WDR49: variants seen among roughly 807,000 people sequenced by gnomAD.
The protein encoded by WDR49 is cilia- and flagella-associated protein 337.
In WDR49, 107 loss-of-function variants were observed where a neutral mutation model predicts 119.5. The observed-to-expected ratio is 0.90, with a 90% CI of 0.77 to 1.05. The LOEUF is 1.05. Among genes scored for constraint, WDR49 ranks in the 50% least tolerant of loss-of-function variants. The pLI is 0.00. For missense variants in WDR49, 1,240 were observed against 1,220.5 expected (o/e 1.02, Z -0.24); for synonymous variants, 425 against 418.8 (o/e 1.01, Z -0.18).
intron 2 of WDR49, among the ~76,000 whole-genome samples, chr3:167,647,240 G>A (rs1718169502): frequency 6.6e-6 from 1 of 151,998 alleles, no homozygotes; most frequent in Non-Finnish European, 1.5e-5. Context: ...GCTTTTCTTG[G>A]TTGTCTTCAC....
intron 16 of WDR49, among the ~76,000 whole-genome samples, chr3:167,508,695 G>A (rs980298586): frequency 1.3e-5 from 2 of 152,120 alleles, no homozygotes; most frequent in African/African-American, 4.8e-5. Flanking sequence ...TGCTGTTCTA[G>A]TATTTTTAAA....
At chr3:167,649,709 T>C (rs1718282838) in intron 2 of WDR49, among the ~76,000 whole-genome samples, 1 of 152,192 alleles carries the variant, frequency 6.6e-6, no homozygotes, top group Non-Finnish European at 1.5e-5. Flanking sequence ...TTGCTAGGAT[T>C]TTTACTGTGC....
chr3:167,610,029 G>A (rs992849102), intron 5 of WDR49, among the ~76,000 whole-genome samples: 39 of 152,202 alleles, frequency 2.6e-4, no homozygotes, highest in African/African-American at 8.9e-4. Context: ...GTGCCCTGAT[G>A]CAATATCCAG....
intron 16 of WDR49, among the ~76,000 whole-genome samples, chr3:167,508,296 G>A (rs1175777488): frequency 6.6e-6 from 1 of 152,168 alleles, no homozygotes; most frequent in Admixed American, 6.5e-5. Context: ...AGGCAACACA[G>A]AACACTGATA....
intron 2 of WDR49, among the ~76,000 whole-genome samples, chr3:167,646,446 T>G (rs1217574491): frequency 6.6e-6 from 1 of 152,112 alleles, no homozygotes; most frequent in Non-Finnish European, 1.5e-5. Context: ...TTGCCACAAA[T>G]ATATGTCCAG....
chr3:167,558,153 G>T (rs1182165939), intron 9 of WDR49, among the ~76,000 whole-genome samples: 1 of 152,124 alleles, frequency 6.6e-6, no homozygotes, highest in Non-Finnish European at 1.5e-5. Context: ...GGCTAGAAAG[G>T]TGCACAAGAA....
intron 15 of WDR49, 74 bp downstream of exon 15, chr3:167,527,746 T>C (rs750792034): frequency 2.4e-4 from 335 of 1,422,154 alleles, no homozygotes; most frequent in Non-Finnish European, 3.2e-4. Flanking sequence ...CTGATGAGAT[T>C]CAAATAGAAA....
At chr3:167,645,666 A>G (rs74849251) in intron 2 of WDR49, among the ~76,000 whole-genome samples, 1,858 of 152,142 alleles carry the variant, frequency 0.012, 37 homozygotes, top group African/African-American at 0.043. Context: ...TACCAACTCC[A>G]GTTGTTTCTC....
intron 3 of WDR49, 100 bp from the exon 4 acceptor site, chr3:167,621,743 G>A (rs924863532): frequency 5.4e-6 from 6 of 1,101,472 alleles, no homozygotes; most frequent in Non-Finnish European, 7.6e-6. Context: ...ATCAGACTTT[G>A]TTCTCTGAGG....
intron 10 of WDR49, among the ~76,000 whole-genome samples, chr3:167,539,884 T>C (rs1243949963): frequency 3.3e-5 from 5 of 152,204 alleles, no homozygotes; most frequent in African/African-American, 1.2e-4. Context: ...CTTTGTTTTT[T>C]TCCTTCTACA....
intron 8 of WDR49, 123 bp downstream of exon 8, chr3:167,575,795 C>A: frequency 1.1e-6 from 1 of 930,012 alleles, no homozygotes; most frequent in Admixed American, 2.5e-5. Context: ...GCTATTAAAT[C>A]ATTTCTTCCC....
At position 167,531,222 on chromosome 3, in the gene WDR49, G is replaced by T. The variant is rs1334678771; in HGVS notation, c.2111C>A (p.Ala704Glu). The T allele has an allele frequency of 1.2e-6, 2 of 1,611,508 alleles. No individual in the cohort carries two copies. Among genetic ancestry groups the T allele is most frequent in the African/African-American group, 1.3e-5 (1 of 74,820 alleles). Residue 704 changes from alanine (A) to glutamate (E), a missense_variant, in exon 13 of 19, where the codon GCA becomes GAA. Ala to Glu is a moderately radical substitution (Grantham distance 107, BLOSUM62 -1). Coordinates refer to ENST00000682715, the MANE Select transcript of WDR49 (RefSeq NM_001366157.1). ...AGRSQPSHPM[A>E]DHSTTGVRNF... is the part of the protein sequence containing the mutation. ...GCGGACTCCCGTGGTAGAATGGTCTGCCATGGGGTGGGAGGGTTGGCTTCT... is the reference window on the plus strand; with the variant it reads ...GCGGACTCCCGTGGTAGAATGGTCTTCCATGGGGTGGGAGGGTTGGCTTCT...
chr3:167,602,862 A>G (rs1422910155), intron 6 of WDR49, among the ~76,000 whole-genome samples: 1 of 152,136 alleles, frequency 6.6e-6, no homozygotes, highest in Non-Finnish European at 1.5e-5. Context: ...ATACATAAAT[A>G]CCATTGTGTT....
At chr3:167,651,191 C>T (rs1006177154) in intron 2 of WDR49, among the ~76,000 whole-genome samples, 1 of 152,082 alleles carries the variant, frequency 6.6e-6, no homozygotes, top group African/African-American at 2.4e-5. Context: ...AGATGGACTT[C>T]ACCTAATATC....
At position 167,576,190 on chromosome 3, in the gene WDR49, G is replaced by A. The variant is rs139592480; in HGVS notation, c.1276-39C>T. The A allele has an allele frequency of 7.8e-5, 123 of 1,568,444 alleles. No individual in the cohort carries two copies. In the African/African-American group the frequency reaches 1.5e-3, roughly 19 times the overall value. On this transcript the variant is annotated intron_variant, in intron 7 of 18. Transcript: ENST00000682715. ...GATAAAATCATTTCAATATGTCAAA[G>A]ATAATTGTAATCTTTTAGCCAATTT...
At chr3:167,499,601 C>T (rs1751482104) in intron 18 of WDR49, among the ~76,000 whole-genome samples, 1 of 152,096 alleles carries the variant, frequency 6.6e-6, no homozygotes, top group East Asian at 1.9e-4. Context: ...CTATAATAGT[C>T]TGAAAAATAA....
At chr3:167,645,963 G>C (rs1037315860) in intron 2 of WDR49, among the ~76,000 whole-genome samples, 4 of 152,178 alleles carry the variant, frequency 2.6e-5, no homozygotes, top group Admixed American at 6.6e-5. Context: ...GTAAGAAAAG[G>C]CTTTCCTAAG....
chr3:167,546,463 A>G (rs1041393947), intron 10 of WDR49, among the ~76,000 whole-genome samples: 1 of 151,900 alleles, frequency 6.6e-6, no homozygotes, highest in Non-Finnish European at 1.5e-5. Context: ...ATTAAAGTTC[A>G]GAATGAGCCA....
At chr3:167,492,443 T>G (rs1401842272) in intron 18 of WDR49, among the ~76,000 whole-genome samples, 1 of 152,114 alleles carries the variant, frequency 6.6e-6, no homozygotes, top group Non-Finnish European at 1.5e-5. Flanking sequence ...TTATTTAAAT[T>G]CTTTATGCCA....
Sources: gnomAD v4.1 joint callset for allele counts (sites outside exome capture counted in the v4.1 genomes callset) on GRCh38, gnomAD v4.1.1 for gene constraint, MANE v1.5 for transcripts, NCBI Gene and HGNC (gene_info 2026-07-23, HGNC 2026-07-21) for gene names.